COL5A3: variants seen among roughly 807,000 people sequenced by gnomAD.
The protein encoded by COL5A3 is collagen alpha-3(V) chain.
In COL5A3, 172 loss-of-function variants were observed where a neutral mutation model predicts 250.0. The ratio of observed to expected loss-of-function variants is 0.69; its 90% CI spans 0.61 to 0.78. COL5A3 has a LOEUF of 0.78. Ranked by LOEUF, COL5A3 falls within the 30% of genes least tolerant of loss-of-function variation. The pLI is 0.00. For synonymous variants in COL5A3, 937 were observed against 900.4 expected (o/e 1.04, Z -0.73); for missense variants, 2,340 against 2,334.4 (o/e 1.00, Z -0.05).
rs556086242 is a variant in COL5A3, at chr19:9,966,859, A to C, written c.4459-113T>G. On this transcript the variant is annotated intron_variant, in intron 62 of 66. Coordinates refer to ENST00000264828, the MANE Select transcript of COL5A3 (RefSeq NM_015719.4). ...CAGACAGACACAAATGAGAAAGAGGAGGGAGAGAGATAAACAAGGGGCAGA... is the reference window on the plus strand; with the variant it reads ...CAGACAGACACAAATGAGAAAGAGGCGGGAGAGAGATAAACAAGGGGCAGA... The C allele has an allele frequency of 1.2e-4, 94 of 784,954 alleles. 1 individual carries two copies. Among genetic ancestry groups the C allele is most frequent in the South Asian group, 1.1e-3 (61 of 55,674 alleles). 48.6% of individuals were successfully genotyped at this position (784,954 alleles called of 1,614,324 possible).
In COL5A3 at chr19:10,003,542, G is replaced by A. The variant is rs1283517842; in HGVS notation, c.849+23C>T. The A allele has an allele frequency of 3.1e-6, 5 of 1,612,630 alleles. No individual in the cohort carries two copies. In the South Asian group the frequency reaches 3.3e-5, roughly 11 times the overall value. On this transcript the variant is annotated intron_variant, in intron 6 of 66. Coordinates refer to ENST00000264828, the MANE Select transcript of COL5A3 (RefSeq NM_015719.4). ...GGAAGTCAGGTGGTCAAAACCGGAA[G>A]TGAGAGGTCTCAGGGCCCTTACCTG...
chr19:9,991,521 C>T (rs1383844828), intron 24 of COL5A3, 89 bp downstream of exon 24: 1 of 1,099,108 alleles, frequency 9.1e-7, no homozygotes, highest in Non-Finnish European at 1.3e-6. Context: ...CCAGAGCTAA[C>T]AGAGGGGTCT....
chr19:9,990,962 C>A (rs942350364), intron 24 of COL5A3, among the ~76,000 whole-genome samples: 2 of 152,174 alleles, frequency 1.3e-5, no homozygotes, highest in Non-Finnish European at 2.9e-5. Context: ...TGATGGCTCT[C>A]GCCTGTAATC....
intron 15 of COL5A3, 72 bp downstream of exon 15, chr19:9,995,994 C>T (rs1022517958): frequency 4.8e-5 from 67 of 1,381,888 alleles, no homozygotes; most frequent in Admixed American, 1.7e-4. Context: ...CTTTCCCCAT[C>T]CAGCACTGTA....
Position 9,968,375 on chromosome 19 carries a change from G to C in COL5A3, c.4314+10C>G. The C allele has an allele frequency of 6.3e-7, 1 of 1,583,432 alleles. No individual in the cohort carries two copies. The stretch of plus-strand genomic sequence containing the variant: ...AAATGCATTCTTCCCGCTCAGGTCA[G>C]GACACTCACAGGGTCTCCCTTGGGA... On this transcript the variant is annotated intron_variant, in intron 59 of 66. Transcript: ENST00000264828. This position sits in a 1 kb window ranked among gnomAD's most constrained non-coding sequence, Gnocchi z 4.1.
chr19:9,989,513 C>T lies in COL5A3; in HGVS notation c.2002G>A (p.Gly668Arg). Residue 668 changes from glycine to arginine, a missense_variant, in exon 25 of 67, where the codon GGA becomes AGA. Around this residue, in one of 3 missense-constraint regions of COL5A3, gnomAD observed 1,152 missense variants for 1,146.3 expected, o/e 1.00. Coordinates refer to ENST00000264828, the MANE Select transcript of COL5A3 (RefSeq NM_015719.4). ...IGTPGEKGPP[G>R]NPGIPGLPGS... is the part of the protein sequence containing the mutation. ...GGGAGGCCTGGAATTCCTGGGTTTC[C>T]AGGGGGACCCTGAAAGAAGATGAAC... 1 of 1,612,198 alleles carries T rather than the reference C, an allele frequency of 6.2e-7. No homozygotes were observed. Among genetic ancestry groups the T allele is most frequent in the Non-Finnish European group, 8.5e-7 (1 of 1,179,040 alleles).
chr19:9,966,883 G>A lies in COL5A3; in HGVS notation c.4459-137C>T, dbSNP rs2145055579. On this transcript the variant is annotated intron_variant, in intron 62 of 66. Transcript: ENST00000264828. ...GAGGGAGAGAGATAAACAAGGGGCA[G>A]AGATAGAGAAAGGAGAGATAAGCAG... 7.4e-6 allele frequency: 5 copies of A among 676,026 alleles called. No individual in the cohort carries two copies. In the South Asian group the frequency reaches 9.6e-5, roughly 13 times the overall value. 41.9% of individuals were successfully genotyped at this position (676,026 alleles called of 1,614,324 possible).
rs894944929 is a variant in COL5A3 at position 10,009,855 on chromosome 19, C to T, written c.88+443G>A. ...AGAGACACACAATCACACGCATAAC[C>T]ACTCACACGGTTACCCTCGAAAATC... On this transcript the variant is annotated intron_variant, in intron 1 of 66. Coordinates refer to ENST00000264828, the MANE Select transcript of COL5A3 (RefSeq NM_015719.4). This position sits in a 1 kb window ranked among gnomAD's most constrained non-coding sequence, Gnocchi z 4.4. 1.3e-5 allele frequency among the ~76,000 whole-genome samples: 2 copies of T among 152,026 alleles called. No homozygotes were observed. Among genetic ancestry groups the T allele is most frequent in the African/African-American group, 4.8e-5 (2 of 41,400 alleles).
At chr19:10,007,919 T>TTCTCTCTC (rs141005538) in intron 1 of COL5A3, among the ~76,000 whole-genome samples, 1 of 149,728 alleles carries the variant, frequency 6.7e-6, no homozygotes, top group Non-Finnish European at 1.5e-5. Flanking sequence ...CCAAGTCTCT[T>TTCTCTCTC]TCTCTCTCTC....
chr19:10,001,314 T>G (rs2087357429), intron 8 of COL5A3, among the ~76,000 whole-genome samples: 2 of 151,948 alleles, frequency 1.3e-5, no homozygotes, highest in Admixed American at 1.3e-4. Flanking sequence ...CCCAGCTAAT[T>G]TTTTGTATTT....
chr19:10,001,976 G>C, intron 6 of COL5A3, 95 bp from the exon 7 acceptor site: 1 of 830,654 alleles, frequency 1.2e-6, no homozygotes, highest in Non-Finnish European at 2.0e-6. Flanking sequence ...CTCCCAGTCC[G>C]GGGACAGGGA....
At chr19:9,963,014 G>A (rs528890234) in intron 64 of COL5A3, 127 bp from the exon 65 acceptor site, 3 of 697,600 alleles carry the variant, frequency 4.3e-6, no homozygotes, top group Middle Eastern at 4.8e-4. Flanking sequence ...TTCTGGGATG[G>A]ACGAGCTCTG....
intron 27 of COL5A3, among the ~76,000 whole-genome samples, chr19:9,988,832 T>A (rs2087139534): frequency 1.7e-4 from 2 of 11,450 alleles, no homozygotes; most frequent in Admixed American, 1.2e-3. Flanking sequence ...AGACTCTGTC[T>A]CAAAAAAAAA....
Position 9,985,855 on chromosome 19 carries a change from C to A in COL5A3, c.2393G>T (p.Arg798Leu), listed in dbSNP as rs758573683. 2 of 1,613,902 alleles carry A rather than the reference C, an allele frequency of 1.2e-6. No individual in the cohort carries two copies. Among genetic ancestry groups the A allele is most frequent in the Admixed American group, 3.3e-5 (2 of 59,998 alleles). Residue 798 changes from arginine (R) to leucine (L), a missense_variant, in exon 31 of 67, where the codon CGC becomes CTC. Transcript: ENST00000264828. ...GVPGLPGYPG[R>L]PGPKGSIGFP... is the part of the protein sequence containing the mutation. Reference sequence around the variant, plus strand: ...CCAGCTTCCTACCTTAGGTCCAGGGCGTCCTGGATAACCTGGGAGGCCTGG... The same window carrying A: ...CCAGCTTCCTACCTTAGGTCCAGGGAGTCCTGGATAACCTGGGAGGCCTGG...
In COL5A3 at chr19:9,991,837, G is replaced by A; in HGVS notation, c.1898C>T (p.Pro633Leu). 1 of 1,608,802 alleles carries A rather than the reference G, an allele frequency of 6.2e-7. No homozygotes were observed. The change falls in exon 23 of 67, where the codon CCT becomes CTT. Residue 633 changes from proline to leucine, a missense_variant. Physicochemically the swap from Pro to Leu is moderately conservative, Grantham distance 98. This residue lies in a region of COL5A3 where 1,152 missense variants were observed against 1,146.3 expected (regional missense o/e 1.00). Coordinates refer to ENST00000264828, the MANE Select transcript of COL5A3 (RefSeq NM_015719.4). Reference protein sequence around the residue: ...GAPGAKGNVGPPGEPGPPGQQ... With the variant: ...GAPGAKGNVGLPGEPGPPGQQ... ...TCCCGGAGGGCCTGGTTCTCCTGGA[G>A]GACCCTGGGGAGAAAGTGGGGTTTC...
rs1334446036 is a variant in COL5A3, at chr19:9,973,933, G to T, written c.3544C>A (p.Pro1182Thr). Reference protein sequence around the residue: ...GAPGPRGPQGPTGSEGTPGLP... With the variant: ...GAPGPRGPQGTTGSEGTPGLP... ...AGAGTTCTCACCTCTGATCCAGTGG[G>T]GCCTTGGGGACCCCGAGGACCTGGA... The change falls in exon 48 of 67, where the codon CCC becomes ACC. Residue 1182 changes from proline to threonine, a missense_variant. Physicochemically the swap from Pro to Thr is conservative, Grantham distance 38 (BLOSUM62 -1). Around this residue, in one of 3 missense-constraint regions of COL5A3, gnomAD observed 1,179 missense variants for 1,162.6 expected, o/e 1.01. Transcript: ENST00000264828. 2 of 1,557,900 alleles carry T rather than the reference G, an allele frequency of 1.3e-6. No individual in the cohort carries two copies. Among genetic ancestry groups the T allele is most frequent in the African/African-American group, 2.7e-5 (2 of 72,934 alleles).
chr19:9,990,687 C>T (rs1167462901), intron 24 of COL5A3, among the ~76,000 whole-genome samples: 2 of 151,902 alleles, frequency 1.3e-5, no homozygotes, highest in Admixed American at 6.6e-5. Flanking sequence ...CTCAGCCTCC[C>T]GAGTAGCTGG....
At chr19:9,969,844 C>G (rs565650811) in intron 55 of COL5A3, 25 bp downstream of exon 55, 1 of 1,613,310 alleles carries the variant, frequency 6.2e-7, no homozygotes, top group East Asian at 2.2e-5. Context: ...GTGCAGGGAC[C>G]CTTCCCCTTG....
intron 31 of COL5A3, among the ~76,000 whole-genome samples, chr19:9,983,608 G>GAGAGAAAGAA (rs1568418894): frequency 3.0e-5 from 3 of 100,636 alleles, no homozygotes; most frequent in African/African-American, 1.2e-4. Flanking sequence ...AAGAGAAAGA[G>GAGAGAAAGAA]AGAGAGAGAG....
Sources: gnomAD v4.1 joint callset for allele counts (sites outside exome capture counted in the v4.1 genomes callset) on GRCh38, gnomAD v4.1.1 for gene constraint, gnomAD v4.1.1 regional missense constraint, Gnocchi (gnomAD v3.1) non-coding constraint, MANE v1.5 for transcripts, NCBI Gene and HGNC (gene_info 2026-07-23, HGNC 2026-07-21) for gene names.